The following TMCC1 variants were observed in gnomAD, a reference collection of about 807,000 sequenced individuals.
TMCC1 encodes transmembrane and coiled-coil domain family 1.
TMCC1 carries 15 observed loss-of-function variants against 52.4 expected under a neutral mutation model. The observed-to-expected ratio is 0.29, with a 90% CI of 0.19 to 0.44. TMCC1 has a LOEUF of 0.44. Among genes scored for constraint, TMCC1 ranks in the 20% least tolerant of loss-of-function variants. The pLI, the probability that TMCC1 is intolerant of heterozygous loss-of-function variation, is 1.00. For synonymous variants in TMCC1, 279 were observed against 301.9 expected (o/e 0.92, Z 0.79); for missense variants, 503 against 806.0 (o/e 0.62, Z 4.55).
chr3:129,682,264 T>C (rs2089053895), intron 4 of TMCC1, among the ~76,000 whole-genome samples: 1 of 152,090 alleles, frequency 6.6e-6, no homozygotes, highest in African/African-American at 2.4e-5. Context: ...CCAGAGTAGG[T>C]GGGACTACAG....
intron 4 of TMCC1, among the ~76,000 whole-genome samples, chr3:129,746,632 T>C (rs767318933): frequency 4.6e-5 from 7 of 152,204 alleles, no homozygotes; most frequent in Non-Finnish European, 1.0e-4. Context: ...AGGTATTGGG[T>C]GGCTTAAGGA....
intron 4 of TMCC1, among the ~76,000 whole-genome samples, chr3:129,711,104 T>C (rs970128722): frequency 6.6e-6 from 1 of 152,094 alleles, no homozygotes; most frequent in African/African-American, 2.4e-5. Context: ...CCTCAGGTGA[T>C]CCGCCCGCCT....
Position 129,654,974 on chromosome 3 carries a change from G to C in TMCC1, c.1641C>G (p.Asp547Glu). Residue 547 changes from aspartate to glutamate, a missense_variant, in exon 6 of 7, where the codon GAC becomes GAG. Physicochemically the swap from Asp to Glu is conservative, Grantham distance 45. Coordinates refer to ENST00000393238, the MANE Select transcript of TMCC1 (RefSeq NM_001017395.5). Reference protein sequence around the residue: ...IAYQSYERARDIQEALEACQT... With the variant: ...IAYQSYERAREIQEALEACQT... ...CCTTTTCCTTCATACTAACCTGGAT[G>C]TCCCGGGCCCGTTCATAGGACTGAT... The C allele has an allele frequency of 6.2e-7, 1 of 1,613,294 alleles. No homozygotes were observed. The highest frequency in any genetic ancestry group is 8.5e-7 in the Non-Finnish European group (1 of 1,179,896).
chr3:129,866,363 T>TA (rs2060646945), intron 2 of TMCC1, among the ~76,000 whole-genome samples: 1 of 123,262 alleles, frequency 8.1e-6, no homozygotes, highest in African/African-American at 3.2e-5. Context: ...TAATATATAT[T>TA]TTATATATAT....
At chr3:129,791,685 A>AT (rs1382291136) in intron 4 of TMCC1, among the ~76,000 whole-genome samples, 3 of 152,230 alleles carry the variant, frequency 2.0e-5, no homozygotes, top group African/African-American at 7.2e-5. Context: ...TAAGATAACT[A>AT]TAAAGGAAGA....
At chr3:129,710,074 T>C (rs1447477359) in intron 4 of TMCC1, among the ~76,000 whole-genome samples, 1 of 152,066 alleles carries the variant, frequency 6.6e-6, no homozygotes, top group Non-Finnish European at 1.5e-5. Context: ...TAGTCCCAGC[T>C]ACTCGGGAGG....
intron 2 of TMCC1, among the ~76,000 whole-genome samples, chr3:129,870,893 T>C (rs1259346221): frequency 6.6e-6 from 1 of 151,728 alleles, no homozygotes; most frequent in Non-Finnish European, 1.5e-5. Context: ...ATAGATATAA[T>C]CTGACAGTCC....
At chr3:129,795,891 A>G (rs2056791194) in intron 4 of TMCC1, among the ~76,000 whole-genome samples, 2 of 152,342 alleles carry the variant, frequency 1.3e-5, no homozygotes, top group African/African-American at 4.8e-5. Context: ...TGTTGTATTC[A>G]AATAACCCTT....
At chr3:129,669,176 C>A (rs2087709808) in intron 5 of TMCC1, among the ~76,000 whole-genome samples, 1 of 152,006 alleles carries the variant, frequency 6.6e-6, no homozygotes. Flanking sequence ...TGTTTCAGAC[C>A]CTAAGATTAC....
intron 4 of TMCC1, among the ~76,000 whole-genome samples, chr3:129,704,864 C>T (rs977757602): frequency 1.3e-5 from 2 of 152,156 alleles, no homozygotes; most frequent in African/African-American, 4.8e-5. Context: ...TGTTCACTGT[C>T]ACAAGTTGGA....
intron 4 of TMCC1, among the ~76,000 whole-genome samples, chr3:129,719,857 T>G (rs915197614): frequency 6.6e-6 from 1 of 152,040 alleles, no homozygotes; most frequent in Non-Finnish European, 1.5e-5. Flanking sequence ...CCCTTCCCTT[T>G]ATAATTTGGA....
chr3:129,655,384 C>T (rs986413594), intron 5 of TMCC1, among the ~76,000 whole-genome samples: 2 of 152,264 alleles, frequency 1.3e-5, no homozygotes, highest in South Asian at 2.1e-4. Context: ...TGAGCATAAC[C>T]ATAATATTAA....
rs1384969748 is a variant in TMCC1 at position 129,692,491 on chromosome 3, T to G, written c.577-21227A>C. 2.0e-5 allele frequency among the ~76,000 whole-genome samples: 3 copies of G among 152,216 alleles called. No individual in the cohort carries two copies. In the East Asian group the frequency reaches 5.8e-4, roughly 29 times the overall value. On this transcript the variant is annotated intron_variant, in intron 4 of 6. Coordinates refer to ENST00000393238, the MANE Select transcript of TMCC1 (RefSeq NM_001017395.5). ...CTTTTGCTTGTTTTGTATATGCTAT[T>G]AGAGTGGTTATATCTTTGAGTAATG... is the stretch of plus-strand genomic sequence containing the variant.
chr3:129,737,931 C>T (rs1336040955), intron 4 of TMCC1, among the ~76,000 whole-genome samples: 1 of 152,002 alleles, frequency 6.6e-6, no homozygotes, highest in Admixed American at 6.6e-5. Flanking sequence ...TGTCTTAGGG[C>T]AGAAATAATA....
intron 4 of TMCC1, among the ~76,000 whole-genome samples, chr3:129,820,517 A>G (rs1158067077): frequency 2.0e-5 from 3 of 151,892 alleles, no homozygotes; most frequent in African/African-American, 7.2e-5. Context: ...AGGGTACCAG[A>G]TTCAGATTAA....
chr3:129,683,190 T>C (rs920265826), intron 4 of TMCC1, among the ~76,000 whole-genome samples: 8 of 152,272 alleles, frequency 5.3e-5, no homozygotes, highest in Admixed American at 6.5e-5. Flanking sequence ...TTTATAACAC[T>C]GCATGCCAAT....
intron 2 of TMCC1, among the ~76,000 whole-genome samples, chr3:129,843,813 A>T (rs1008039370): frequency 6.6e-6 from 1 of 151,772 alleles, no homozygotes; most frequent in Non-Finnish European, 1.5e-5. Flanking sequence ...AGAAATAATA[A>T]CAATTCTACT....
intron 1 of TMCC1, among the ~76,000 whole-genome samples, chr3:129,882,845 T>C (rs2061520745): frequency 6.6e-6 from 1 of 152,156 alleles, no homozygotes; most frequent in East Asian, 1.9e-4. Context: ...AGTAGAATAG[T>C]GGCTTCCAGA....
chr3:129,873,980 G>A (rs2107972570), intron 2 of TMCC1, among the ~76,000 whole-genome samples: 1 of 152,258 alleles, frequency 6.6e-6, no homozygotes, highest in Non-Finnish European at 1.5e-5. Flanking sequence ...TGTTTGAACA[G>A]TAGACCTCTA....
Sources: allele counts gnomAD v4.1 joint callset (sites outside exome capture counted in the v4.1 genomes callset), GRCh38; gene constraint gnomAD v4.1.1; transcripts MANE v1.5; gene names NCBI Gene and HGNC (gene_info 2026-07-23, HGNC 2026-07-21).